Variants in LY9 observed in about 807,000 individuals in gnomAD.
LY9 encodes lymphocyte antigen 9, also known as T-lymphocyte surface antigen Ly-9.
LY9 carries 59 observed loss-of-function variants against 64.6 expected under a neutral mutation model. That is an observed-to-expected ratio of 0.91 (90% CI 0.74 to 1.13). The LOEUF is 1.13. LY9 is among the 50% of genes most tolerant of loss of function. LY9 has a pLI of 0.00. For missense variants in LY9, 789 were observed against 797.2 expected, an observed-to-expected ratio of 0.99 and a Z score of 0.12; for synonymous variants, 281 against 308.5, an observed-to-expected ratio of 0.91 and a Z score of 0.93.
At position 160,827,838 on chromosome 1, in the gene LY9, C is replaced by T; in HGVS notation, c.*22C>T. 1 of 1,602,574 alleles carries T rather than the reference C, an allele frequency of 6.2e-7. No homozygotes were observed. Among genetic ancestry groups the T allele is most frequent in the Non-Finnish European group, 8.5e-7 (1 of 1,172,436 alleles). On this transcript the variant is annotated 3_prime_UTR_variant, in exon 10 of 10. Transcript: ENST00000263285. ...CTGAAAGGAAAAGCAGCTGCTGCCT[C>T]TCTCCTGGGACCGTGGGGTTGGAAA...
intron 2 of LY9, among the ~76,000 whole-genome samples, chr1:160,803,283 A>C (rs969692897): frequency 8.0e-6 from 1 of 125,054 alleles, no homozygotes; most frequent in Admixed American, 7.7e-5. Context: ...ACCGTGTCTA[A>C]AAAAAAATTT....
chr1:160,821,151 T>TAAAAAAAAAACAAAA (rs1668400169), intron 7 of LY9, among the ~76,000 whole-genome samples: 1 of 105,094 alleles, frequency 9.5e-6, no homozygotes. Context: ...GAAACTTTGC[T>TAAAAAAAAAACAAAA]AAAAAAAAAA....
rs751771234 is a variant in LY9, at chr1:160,799,980, A to C, written c.352A>C (p.Ile118Leu). 3 of 1,614,102 alleles carry C rather than the reference A, an allele frequency of 1.9e-6. No individual in the cohort carries two copies. Among genetic ancestry groups the C allele is most frequent in the Admixed American group, 3.3e-5 (2 of 60,012 alleles). Residue 118 changes from isoleucine to leucine, a missense_variant, in exon 2 of 10, where the codon ATC (isoleucine) becomes CTC (leucine). Physicochemically the swap from Ile to Leu is conservative, Grantham distance 5. Coordinates refer to ENST00000263285, the MANE Select transcript of LY9 (RefSeq NM_002348.4). ...CACCAAGTGGAGTTACTCCCTGTGC[A>C]TCAGCAATCTGACTCTGAATGATGC... ...DITKWSYSLC[I>L]SNLTLNDAGS...
intron 2 of LY9, chr1:160,802,071 C>T (rs1570975703): frequency 7.2e-7 from 1 of 1,391,504 alleles, no homozygotes; most frequent in East Asian, 2.7e-5. Context: ...GTGTCCCACC[C>T]ACCCGCCGCC....
At chr1:160,801,847 T>TGG (rs1486545033) in intron 2 of LY9, 1 of 1,614,208 alleles carries the variant, frequency 6.2e-7, no homozygotes, top group South Asian at 1.1e-5. Context: ...CGCACACTCC[T>TGG]GGAGGGCAGC....
chr1:160,803,302 A>T (rs533080428), intron 2 of LY9, among the ~76,000 whole-genome samples: 83 of 133,886 alleles, frequency 6.2e-4, no homozygotes, highest in Admixed American at 1.0e-3. Flanking sequence ...TTTTTTTTTT[A>T]AAAAGTATTG....
At chr1:160,824,935 G>T (rs1405537063) in intron 9 of LY9, among the ~76,000 whole-genome samples, 2 of 144,276 alleles carry the variant, frequency 1.4e-5, no homozygotes, top group African/African-American at 5.3e-5. Flanking sequence ...AGCCAAGTTC[G>T]TGCCACTGCA....
Position 160,799,782 on chromosome 1 carries a change from C to T in LY9, c.154C>T (p.Pro52Ser). 6.2e-7 allele frequency: 1 copy of T among 1,613,808 alleles called. No homozygotes were observed. Among genetic ancestry groups the T allele is most frequent in the Non-Finnish European group, 8.5e-7 (1 of 1,179,826 alleles). ...GLRASGKDSA[P>S]TVVSGILGGS... is the part of the protein sequence containing the mutation. ...AAGAGCCTCTGGAAAGGACTCAGCC[C>T]CAACAGTGGTGTCAGGGATCCTAGG... The change falls in exon 2 of 10, where the codon CCA (proline) becomes TCA (serine). Residue 52 changes from proline (P) to serine (S), a missense_variant. Coordinates refer to ENST00000263285, the MANE Select transcript of LY9 (RefSeq NM_002348.4).
chr1:160,821,807 G>A (rs1189810143), intron 7 of LY9, among the ~76,000 whole-genome samples: 2 of 152,180 alleles, frequency 1.3e-5, no homozygotes, highest in East Asian at 3.8e-4. Context: ...GAGCGAAAGA[G>A]AAAGAGGGGC....
Position 160,799,858 on chromosome 1 carries a change from A to G in LY9, c.230A>G (p.Asn77Ser), listed in dbSNP as rs772439777. The change falls in exon 2 of 10, where the codon AAC becomes AGC. Residue 77 changes from asparagine to serine, a missense_variant. Physicochemically the swap from Asn to Ser is conservative, Grantham distance 46. Transcript: ENST00000263285. ...LNISVDTEIE[N>S]VIWIGPKNAL... ...ATCTCAGTAGACACAGAGATTGAGA[A>G]CGTCATCTGGATTGGTCCCAAAAAT... 4 of 1,614,000 alleles carry G rather than the reference A, an allele frequency of 2.5e-6. No individual in the cohort carries two copies. The highest frequency in any genetic ancestry group is 3.4e-6 in the Non-Finnish European group (4 of 1,179,888).
chr1:160,812,684 T>C (rs1361194049), intron 2 of LY9: 1 of 152,268 alleles, frequency 6.6e-6, no homozygotes, highest in African/African-American at 2.4e-5. Context: ...CCAGGAATAG[T>C]AATTCTTGGG....
intron 6 of LY9, 56 bp from the exon 7 acceptor site, chr1:160,819,265 A>T: frequency 7.5e-7 from 1 of 1,326,180 alleles, no homozygotes. Flanking sequence ...ACAGAATAAA[A>T]GACACCTCTC....
At chr1:160,807,903 G>T (rs112782012) in intron 2 of LY9, among the ~76,000 whole-genome samples, 2 of 152,084 alleles carry the variant, frequency 1.3e-5, no homozygotes, top group Admixed American at 1.3e-4. Flanking sequence ...TTGCACTCAG[G>T]CCCCCCAGTG....
intron 7 of LY9, among the ~76,000 whole-genome samples, chr1:160,821,361 G>T (rs1668434284): frequency 6.6e-6 from 1 of 152,016 alleles, no homozygotes; most frequent in South Asian, 2.1e-4. Context: ...CTTCACATAT[G>T]GGAGCAATCT....
At chr1:160,820,021 C>A (rs1004277120) in intron 7 of LY9, among the ~76,000 whole-genome samples, 1 of 152,074 alleles carries the variant, frequency 6.6e-6, no homozygotes, top group Non-Finnish European at 1.5e-5. Flanking sequence ...GAGATGGTCA[C>A]CAGAGCTAGG....
intron 2 of LY9, among the ~76,000 whole-genome samples, chr1:160,801,414 T>C (rs1430780000): frequency 1.3e-5 from 2 of 152,228 alleles, no homozygotes; most frequent in African/African-American, 4.8e-5. Context: ...ATTCGTTTTT[T>C]CTTGTTGAGT....
intron 2 of LY9, among the ~76,000 whole-genome samples, chr1:160,808,397 C>T (rs1232183218): frequency 1.3e-5 from 2 of 152,180 alleles, no homozygotes; most frequent in Non-Finnish European, 2.9e-5. Flanking sequence ...GAAAATGGTC[C>T]CTTACTATAA....
At chr1:160,813,276 G>C (rs1250314517) in intron 2 of LY9, 1 of 255,332 alleles carries the variant, frequency 3.9e-6, no homozygotes, top group Non-Finnish European at 7.5e-6. Flanking sequence ...TTTGGGGCTG[G>C]GCCATTCACC....
At chr1:160,800,862 CA>C (rs1437439986) in intron 2 of LY9, among the ~76,000 whole-genome samples, 3 of 152,206 alleles carry the variant, frequency 2.0e-5, no homozygotes, top group South Asian at 2.1e-4. Flanking sequence ...CATGGTGCTG[CA>C]AAAGACATGA....
Sources: gnomAD v4.1 joint callset for allele counts (sites outside exome capture counted in the v4.1 genomes callset) on GRCh38, gnomAD v4.1.1 for gene constraint, MANE v1.5 for transcripts, NCBI Gene and HGNC (gene_info 2026-07-23, HGNC 2026-07-21) for gene names.